The following ZNF710 variants were observed in gnomAD, a reference collection of about 807,000 sequenced individuals.
The protein encoded by ZNF710 is zinc finger protein 710.
ZNF710 carries 13 observed loss-of-function variants against 50.6 expected under a neutral mutation model. The observed-to-expected ratio is 0.26, with a 90% CI of 0.17 to 0.41. The LOEUF (loss-of-function observed/expected upper bound fraction) is 0.41. Ranked by LOEUF, ZNF710 falls within the 10% of genes least tolerant of loss-of-function variation. ZNF710 has a pLI of 1.00. For missense variants in ZNF710, 721 were observed against 936.6 expected (o/e 0.77, Z 3.01); for synonymous variants, 383 against 397.0 (o/e 0.96, Z 0.42).
intron 1 of ZNF710, among the ~76,000 whole-genome samples, chr15:90,028,643 T>C (rs1245316133): frequency 6.6e-6 from 1 of 152,234 alleles, no homozygotes; most frequent in Non-Finnish European, 1.5e-5. Flanking sequence ...TCAAATTACC[T>C]GACATTTGCC....
At chr15:90,009,275 A>G (rs1318772203) in intron 1 of ZNF710, among the ~76,000 whole-genome samples, 5 of 152,060 alleles carry the variant, frequency 3.3e-5, no homozygotes, top group Non-Finnish European at 5.9e-5. Flanking sequence ...ACCAAGTCCA[A>G]GCTGGCCCCT....
chr15:90,023,533 G>A (rs1215281215), intron 1 of ZNF710, among the ~76,000 whole-genome samples: 2 of 152,178 alleles, frequency 1.3e-5, no homozygotes, highest in Non-Finnish European at 2.9e-5. Flanking sequence ...CACACTTGCA[G>A]GTGAACCAGG....
Position 90,062,846 on chromosome 15 carries a change from G to A in ZNF710, c.-28-4264G>A, listed in dbSNP as rs994007082. Reference sequence around the variant, plus strand: ...TCTGCATACACACACGCGCGCACGCGCACACACACACAGCCTGCCTGGCCG... The same window carrying A: ...TCTGCATACACACACGCGCGCACGCACACACACACACAGCCTGCCTGGCCG... On this transcript the variant is annotated intron_variant, in intron 1 of 4. Coordinates refer to ENST00000268154, the MANE Select transcript of ZNF710 (RefSeq NM_198526.4). The surrounding 1 kb of genome is among the most constrained non-coding windows in gnomAD (Gnocchi z 5.6). Among the ~76,000 whole-genome samples the A allele has an allele frequency of 1.3e-5, 2 of 152,014 alleles. No individual in the cohort carries two copies. The highest frequency in any genetic ancestry group is 2.9e-5 in the Non-Finnish European group (2 of 67,976).
chr15:90,008,409 C>T (rs1277406690), intron 1 of ZNF710, among the ~76,000 whole-genome samples: 6 of 130,394 alleles, frequency 4.6e-5, no homozygotes, highest in East Asian at 2.1e-4. Context: ...ATATAGTATA[C>T]GTGTGTGTGT....
chr15:90,070,369 GAA>G (rs894552649), intron 2 of ZNF710, among the ~76,000 whole-genome samples: 4 of 136,206 alleles, frequency 2.9e-5, no homozygotes, highest in African/African-American at 1.1e-4. Context: ...TTTTTTTTAA[GAA>G]AAAAAAAAAG....
intron 1 of ZNF710, among the ~76,000 whole-genome samples, chr15:90,052,948 T>TTAAAA (rs199737088): frequency 0.01 from 1,588 of 152,160 alleles, 17 homozygotes; most frequent in Non-Finnish European, 0.015. Context: ...ATAATAATTA[T>TTAAAA]TAAAATAAAA....
intron 1 of ZNF710, chr15:90,006,695 G>C (rs1223457968): frequency 6.5e-6 from 1 of 154,100 alleles, no homozygotes; most frequent in East Asian, 1.9e-4. Context: ...GGGTGGTACA[G>C]TTCATTAACC....
At chr15:90,010,754 A>C (rs969420414) in intron 1 of ZNF710, among the ~76,000 whole-genome samples, 1 of 151,760 alleles carries the variant, frequency 6.6e-6, no homozygotes, top group African/African-American at 2.4e-5. Context: ...TCTTTTTAAA[A>C]ATTTTTTATT....
chr15:90,008,427 T>TATATATATAC (rs1555454965), intron 1 of ZNF710, among the ~76,000 whole-genome samples: 29 of 135,068 alleles, frequency 2.1e-4, no homozygotes, highest in African/African-American at 8.6e-4. Flanking sequence ...TGTGTGTGTG[T>TATATATATAC]ATATATATAT....
intron 1 of ZNF710, among the ~76,000 whole-genome samples, chr15:90,033,981 C>T (rs1899027245): frequency 6.6e-6 from 1 of 152,116 alleles, no homozygotes; most frequent in Non-Finnish European, 1.5e-5. Flanking sequence ...GCAGGCAGAT[C>T]ACTTGAGGTC....
At chr15:90,046,941 T>C (rs1225111758) in intron 1 of ZNF710, among the ~76,000 whole-genome samples, 2 of 152,136 alleles carry the variant, frequency 1.3e-5, no homozygotes, top group African/African-American at 2.4e-5. Flanking sequence ...GAGGCCACCA[T>C]TGCTCTTCCT....
At chr15:90,039,950 G>T (rs1899248175) in intron 1 of ZNF710, among the ~76,000 whole-genome samples, 1 of 27,288 alleles carries the variant, frequency 3.7e-5, no homozygotes, top group Non-Finnish European at 6.4e-5. Flanking sequence ...CATATGCTCT[G>T]CAGTTCTCTA....
At chr15:90,047,517 T>C (rs1266911393) in intron 1 of ZNF710, among the ~76,000 whole-genome samples, 1 of 152,190 alleles carries the variant, frequency 6.6e-6, no homozygotes, top group Non-Finnish European at 1.5e-5. Flanking sequence ...CACAGACTAA[T>C]ACTTTATCAA....
intron 1 of ZNF710, among the ~76,000 whole-genome samples, chr15:90,052,262 G>A (rs897363709): frequency 1.1e-4 from 16 of 151,922 alleles, no homozygotes; most frequent in African/African-American, 1.9e-4. Flanking sequence ...TTTTTTTGTC[G>A]CAGGGGACTT....
chr15:90,078,080 G>A lies in ZNF710; in HGVS notation c.1826-1580G>A, dbSNP rs995172450. On this transcript the variant is annotated intron_variant, in intron 4 of 4. Transcript: ENST00000268154. ...AAAAAAATTAGCCGGGTATGGTGGC[G>A]CATGCCTGTAATCTCAGCTACTTGG... 5.9e-5 allele frequency among the ~76,000 whole-genome samples: 9 copies of A among 151,954 alleles called. No individual in the cohort carries two copies. In the East Asian group the frequency reaches 9.7e-4, roughly 16 times the overall value.
Position 90,067,314 on chromosome 15 carries a change from C to G in ZNF710, c.177C>G (p.Pro59=), listed in dbSNP as rs79991946. 4 of 1,608,004 alleles carry G rather than the reference C, an allele frequency of 2.5e-6. No homozygotes were observed. Among genetic ancestry groups the G allele is most frequent in the Non-Finnish European group, 3.4e-6 (4 of 1,177,444 alleles). Residue 59 remains proline (P), a synonymous_variant, in exon 2 of 5, where the codon CCC becomes CCG. Coordinates refer to ENST00000268154, the MANE Select transcript of ZNF710 (RefSeq NM_198526.4). This position sits in a 1 kb window ranked among gnomAD's most constrained non-coding sequence, Gnocchi z 8.1. ...PELSGAAMGE[P]EPPGPDVYQL... is the part of the protein sequence containing the mutation. ...TTTCAGGGGCAGCCATGGGAGAGCC[C>G]GAGCCACCAGGCCCCGACGTCTACC... is the stretch of plus-strand genomic sequence containing the variant.
chr15:90,064,686 C>T (rs1900113734), intron 1 of ZNF710, among the ~76,000 whole-genome samples: 1 of 152,156 alleles, frequency 6.6e-6, no homozygotes, highest in South Asian at 2.1e-4. Flanking sequence ...TGAGGTTTCA[C>T]CATGTTGGCC....
At chr15:90,044,296 G>T (rs1899391493) in intron 1 of ZNF710, among the ~76,000 whole-genome samples, 1 of 152,230 alleles carries the variant, frequency 6.6e-6, no homozygotes, top group Non-Finnish European at 1.5e-5. Flanking sequence ...CCAATATGGG[G>T]CTCAAGATGA....
Position 90,067,620 on chromosome 15 carries a change from C to T in ZNF710, c.483C>T (p.Leu161=). ...GCAGCGCCGTCAAGATGATCGACCTCAGCGCCTTCAGCCGCAAGCCCCGGA... is the reference window on the plus strand; with the variant it reads ...GCAGCGCCGTCAAGATGATCGACCTTAGCGCCTTCAGCCGCAAGCCCCGGA... ...VQSSAVKMID[L]SAFSRKPRTL... Residue 161 remains leucine (L), a synonymous_variant, in exon 2 of 5, where the codon CTC becomes CTT. Transcript: ENST00000268154. This position sits in a 1 kb window ranked among gnomAD's most constrained non-coding sequence, Gnocchi z 8.1. 6.2e-7 allele frequency: 1 copy of T among 1,611,684 alleles called. No individual in the cohort carries two copies. The highest frequency in any genetic ancestry group is 8.5e-7 in the Non-Finnish European group (1 of 1,179,176).
Sources: gnomAD v4.1 joint callset for allele counts (sites outside exome capture counted in the v4.1 genomes callset) on GRCh38, gnomAD v4.1.1 for gene constraint, Gnocchi (gnomAD v3.1) non-coding constraint, MANE v1.5 for transcripts, NCBI Gene and HGNC (gene_info 2026-07-23, HGNC 2026-07-21) for gene names.